ARFGEF1: variants seen among roughly 807,000 people sequenced by gnomAD.
ARFGEF1 encodes brefeldin A-inhibited guanine nucleotide-exchange protein 1.
Under a neutral mutation model 231.0 loss-of-function variants are expected in ARFGEF1, and 42 were observed. The observed-to-expected ratio is 0.18, with a 90% CI of 0.14 to 0.24. The LOEUF (loss-of-function observed/expected upper bound fraction) is 0.24. Ranked by LOEUF, ARFGEF1 falls within the 10% of genes least tolerant of loss-of-function variation. The pLI, the probability that ARFGEF1 is intolerant of heterozygous loss-of-function variation, is 1.00. For missense variants in ARFGEF1, 1,345 were observed against 2,192.0 expected (o/e 0.61, Z 7.72); for synonymous variants, 710 against 732.3 (o/e 0.97, Z 0.49).
chr8:67,193,765 A>G (rs7820540), downstream of ARFGEF1, among the ~76,000 whole-genome samples: 2,356 of 152,342 alleles, frequency 0.015, 54 homozygotes, highest in African/African-American at 0.052. Flanking sequence ...ACCAGACCTC[A>G]GGATGCAGTT....
chr8:67,337,147 A>C (rs934923574), intron 1 of ARFGEF1, among the ~76,000 whole-genome samples: 2 of 151,770 alleles, frequency 1.3e-5, no homozygotes, highest in Non-Finnish European at 1.5e-5. Context: ...AAAAAAAAAA[A>C]AAAACAGACA....
intron 1 of ARFGEF1, among the ~76,000 whole-genome samples, chr8:67,339,615 G>A (rs1808507281): frequency 6.6e-6 from 1 of 151,590 alleles, no homozygotes; most frequent in Admixed American, 6.6e-5. Context: ...CCAGCAGATG[G>A]CCAGACTATT....
rs776879988 is a variant in ARFGEF1, at chr8:67,211,523, A to G, written c.4779T>C (p.Ser1593=). 2 of 1,593,852 alleles carry G rather than the reference A, an allele frequency of 1.3e-6. No individual in the cohort carries two copies. The highest frequency in any genetic ancestry group is 2.3e-5 in the South Asian group (2 of 86,004). Residue 1593 remains serine (S), a synonymous_variant, in exon 34 of 39, where the codon TCT becomes TCC. Coordinates refer to ENST00000262215, the MANE Select transcript of ARFGEF1 (RefSeq NM_006421.5). The stretch of plus-strand genomic sequence containing the variant: ...TTTTGCTGACTTCTTCATTAACAGC[A>G]GACGCAGAAACCAGTGGTGCTTGTG... ...NRPQAPLVSA[S]AVNEEVSKIK...
At chr8:67,185,596 G>A (rs1313302453) in intron 5 of ARFGEF1, among the ~76,000 whole-genome samples, 2 of 152,204 alleles carry the variant, frequency 1.3e-5, no homozygotes, top group Non-Finnish European at 2.9e-5. Context: ...ACAGCAATTA[G>A]TAGCTGTGGA....
intron 36 of ARFGEF1, chr8:67,201,817 G>A: frequency 1.8e-6 from 1 of 555,134 alleles, no homozygotes; most frequent in Non-Finnish European, 3.0e-6. Context: ...AAAACTTGTG[G>A]CCTGGGAAGG....
chr8:67,247,307 A>G (rs898921829), intron 19 of ARFGEF1, among the ~76,000 whole-genome samples: 1 of 150,420 alleles, frequency 6.6e-6, no homozygotes, highest in Non-Finnish European at 1.5e-5. Context: ...TTGCAGGCCA[A>G]TATCACTGAT....
At chr8:67,296,692 C>A in intron 4 of ARFGEF1, 82 bp from the exon 5 acceptor site, 2 of 1,191,028 alleles carry the variant, frequency 1.7e-6, no homozygotes, top group South Asian at 3.2e-5. Flanking sequence ...GCTCTGTCAC[C>A]CAGGCTGGAG....
rs148930801 is a variant in ARFGEF1, at chr8:67,177,669, A to G, written c.561-2097T>C. ...ACCTTTTAATTTGCTTTTGTTCTCC[A>G]TTGACTACAGTTGACTTAGATGCCA... is the stretch of plus-strand genomic sequence containing the variant. On this transcript the variant is annotated intron_variant, in intron 5 of 5. Coordinates refer to the ARFGEF1 transcript ENST00000518789. 2,128 of 1,600,906 alleles carry G rather than the reference A, an allele frequency of 1.3e-3. 32 individuals are homozygous for G. The African/African-American group carries it at 0.026, about 19-fold the overall frequency.
At position 67,246,027 on chromosome 8, in the gene ARFGEF1, T is replaced by G. The variant is rs568366867; in HGVS notation, c.2850+5272A>C. Among the ~76,000 whole-genome samples, 212 of 150,518 alleles carry G rather than the reference T, an allele frequency of 1.4e-3. 4 individuals are homozygous for G. Among genetic ancestry groups the G allele is most frequent in the Non-Finnish European group, 2.5e-3 (168 of 67,798 alleles). The stretch of plus-strand genomic sequence containing the variant: ...CAATATGCAATGATAAAGAGGTCAA[T>G]TCAGCAAGAGGATACAGCAATTGTG... On this transcript the variant is annotated intron_variant, in intron 19 of 38. Coordinates refer to ENST00000262215, the MANE Select transcript of ARFGEF1 (RefSeq NM_006421.5).
intron 36 of ARFGEF1, 33 bp downstream of exon 36, chr8:67,203,050 G>A: frequency 6.3e-7 from 1 of 1,592,760 alleles, no homozygotes; most frequent in Non-Finnish European, 8.6e-7. Context: ...TCCATCAACA[G>A]TAAACATTAA....
At chr8:67,196,812 G>T (rs1838016905), downstream of ARFGEF1, among the ~76,000 whole-genome samples, 1 of 152,164 alleles carries the variant, frequency 6.6e-6, no homozygotes, top group African/African-American at 2.4e-5. Flanking sequence ...ACACGGCAAG[G>T]TCACAGTGGC....
At position 67,240,305 on chromosome 8, in the gene ARFGEF1, A is replaced by G. The variant is rs776086918; in HGVS notation, c.2851-15T>C. The stretch of plus-strand genomic sequence containing the variant: ...GTCCAAGCCAACTACAAAAATTAAA[A>G]ATTGTATTTTAATTAAAGATTATGA... On this transcript the variant is annotated splice_polypyrimidine_tract_variant and intron_variant, in intron 19 of 38. Coordinates refer to ENST00000262215, the MANE Select transcript of ARFGEF1 (RefSeq NM_006421.5). 1.3e-6 allele frequency: 2 copies of G among 1,584,506 alleles called. No individual in the cohort carries two copies. Among genetic ancestry groups the G allele is most frequent in the Non-Finnish European group, 1.7e-6 (2 of 1,171,132 alleles).
Position 67,299,323 on chromosome 8 carries a change from A to G in ARFGEF1, c.345T>C (p.Asn115=). Reference sequence around the variant, plus strand: ...TGCCTGGTGTTGTACTATCTGGAGCATTGCCAGTCAAGTGCCCATAAGCAA... The same window carrying G: ...TGCCTGGTGTTGTACTATCTGGAGCGTTGCCAGTCAAGTGCCCATAAGCAA... ...KLIAYGHLTG[N]APDSTTPGKK... The change falls in exon 4 of 39, where the codon AAT becomes AAC. Residue 115 remains asparagine (N), a synonymous_variant. Coordinates refer to ENST00000262215, the MANE Select transcript of ARFGEF1 (RefSeq NM_006421.5). The G allele has an allele frequency of 6.2e-7, 1 of 1,607,448 alleles. No homozygotes were observed. Among genetic ancestry groups the G allele is most frequent in the Non-Finnish European group, 8.5e-7 (1 of 1,178,368 alleles).
intron 28 of ARFGEF1, among the ~76,000 whole-genome samples, chr8:67,225,447 C>T (rs932162906): frequency 3.3e-5 from 5 of 152,150 alleles, no homozygotes; most frequent in African/African-American, 7.2e-5. Flanking sequence ...CATGGTAGTA[C>T]GGAATAAAAT....
At chr8:67,219,053 A>G (rs1036501656) in intron 30 of ARFGEF1, among the ~76,000 whole-genome samples, 7 of 151,952 alleles carry the variant, frequency 4.6e-5, no homozygotes, top group African/African-American at 1.4e-4. Context: ...AGCAACCTCC[A>G]CCTCCCGGGT....
chr8:67,179,844 T>C (rs1265957992), intron 5 of ARFGEF1: 1 of 1,552,488 alleles, frequency 6.4e-7, no homozygotes, highest in African/African-American at 1.4e-5. Flanking sequence ...AAATAGTCAT[T>C]GAAACATGTT....
chr8:67,288,096 T>TAAA (rs1805837104), intron 6 of ARFGEF1, 31 bp from the exon 7 acceptor site: 1 of 1,461,318 alleles, frequency 6.8e-7, no homozygotes, highest in Non-Finnish European at 9.3e-7. Context: ...AACAGAACAT[T>TAAA]ATTTTAACTT....
At chr8:67,318,893 A>C (rs1807450154) in intron 1 of ARFGEF1, among the ~76,000 whole-genome samples, 1 of 152,238 alleles carries the variant, frequency 6.6e-6, no homozygotes, top group African/African-American at 2.4e-5. Context: ...GGATCACTTG[A>C]GCTCACAAGG....
In ARFGEF1 at chr8:67,296,502, T is replaced by G; in HGVS notation, c.568A>C (p.Asn190His). The change falls in exon 5 of 39, where the codon AAT becomes CAT. Residue 190 changes from asparagine (N) to histidine (H), a missense_variant. Asn to His is a moderately conservative substitution (Grantham distance 68). Transcript: ENST00000262215. ...AGAGTAGCTTTGGCTGTTGTCTGATTGATGAGATTTTTGCTTGCTAAGTAG... is the reference window on the plus strand; with the variant it reads ...AGAGTAGCTTTGGCTGTTGTCTGATGGATGAGATTTTTGCTTGCTAAGTAG... ...NIYLASKNLI[N>H]QTTAKATLTQ... 1.9e-6 allele frequency: 3 copies of G among 1,614,084 alleles called. No individual in the cohort carries two copies. The highest frequency in any genetic ancestry group is 2.5e-6 in the Non-Finnish European group (3 of 1,179,994).
Sources: gnomAD v4.1 joint callset for allele counts (sites outside exome capture counted in the v4.1 genomes callset) on GRCh38, gnomAD v4.1.1 for gene constraint, MANE v1.5 for transcripts, NCBI Gene and HGNC (gene_info 2026-07-23, HGNC 2026-07-21) for gene names.